The following ST8SIA4 variants were observed in gnomAD, a reference collection of about 807,000 sequenced individuals.
The protein encoded by ST8SIA4 is ST8 alpha-N-acetyl-neuraminide alpha-2,8-sialyltransferase 4.
In ST8SIA4, 15 loss-of-function variants were observed where a neutral mutation model predicts 33.9. The ratio of observed to expected loss-of-function variants is 0.44; its 90% CI spans 0.30 to 0.68. The LOEUF is 0.68. Among genes scored for constraint, ST8SIA4 ranks in the 30% least tolerant of loss-of-function variants. ST8SIA4 has a pLI of 0.10. For synonymous variants in ST8SIA4, 171 were observed against 151.2 expected, an observed-to-expected ratio of 1.13 and a Z score of -0.96; for missense variants, 321 against 428.0, an observed-to-expected ratio of 0.75 and a Z score of 2.21.
At chr5:100,871,040 GCTGT>G (rs1390128455) in intron 3 of ST8SIA4, among the ~76,000 whole-genome samples, 2 of 152,018 alleles carry the variant, frequency 1.3e-5, no homozygotes, top group African/African-American at 4.8e-5. Flanking sequence ...CCTAGACTTG[GCTGT>G]CTATCATGAA....
At chr5:100,886,921 A>G (rs1752550692) in intron 2 of ST8SIA4, among the ~76,000 whole-genome samples, 1 of 152,116 alleles carries the variant, frequency 6.6e-6, no homozygotes, top group Non-Finnish European at 1.5e-5. Context: ...TAAGTAAAAC[A>G]CAGTGGCCAT....
intron 4 of ST8SIA4, among the ~76,000 whole-genome samples, chr5:100,813,723 A>G (rs1750858694): frequency 6.6e-6 from 1 of 152,048 alleles, no homozygotes. Context: ...TTAACATGAA[A>G]TAATGATTAT....
intron 2 of ST8SIA4, chr5:100,890,564 A>T (rs558423858): frequency 1.3e-5 from 2 of 152,056 alleles, no homozygotes; most frequent in African/African-American, 4.8e-5. Context: ...CTTAATATGC[A>T]TGCTTTACCA....
At chr5:100,900,447 C>T (rs1055923882) in intron 1 of ST8SIA4, 18 of 455,208 alleles carry the variant, frequency 4.0e-5, no homozygotes, top group Non-Finnish European at 6.6e-5. Context: ...TATGAGTCAA[C>T]TCCTCCACCA....
intron 4 of ST8SIA4, among the ~76,000 whole-genome samples, chr5:100,842,423 C>A (rs930239616): frequency 1.1e-4 from 17 of 151,776 alleles, no homozygotes; most frequent in Non-Finnish European, 2.2e-4. Context: ...CACAAAGTAT[C>A]AAGTTCCTTT....
intron 2 of ST8SIA4, among the ~76,000 whole-genome samples, chr5:100,891,712 A>G (rs1221347063): frequency 6.6e-6 from 1 of 152,026 alleles, no homozygotes; most frequent in African/African-American, 2.4e-5. Flanking sequence ...CATTTATTCC[A>G]TAATGATAAA....
At chr5:100,849,126 A>G in intron 4 of ST8SIA4, 1 of 973,456 alleles carries the variant, frequency 1.0e-6, no homozygotes, top group Non-Finnish European at 1.2e-6. Flanking sequence ...AGGAAGTTAC[A>G]GAGAATACAT....
chr5:100,902,381 G>GT (rs1752939434), intron 1 of ST8SIA4, among the ~76,000 whole-genome samples: 1 of 147,524 alleles, frequency 6.8e-6, no homozygotes, highest in South Asian at 2.2e-4. Flanking sequence ...AAAAAAAAAA[G>GT]TAGAGAAACA....
intron 4 of ST8SIA4, among the ~76,000 whole-genome samples, chr5:100,826,219 C>G (rs533037243): frequency 1.3e-4 from 20 of 152,204 alleles, no homozygotes; most frequent in African/African-American, 4.6e-4. Flanking sequence ...TTTCTTGCCA[C>G]ACACCCTGGC....
chr5:100,890,166 G>A (rs781034918), intron 2 of ST8SIA4, among the ~76,000 whole-genome samples: 3 of 151,784 alleles, frequency 2.0e-5, no homozygotes, highest in Non-Finnish European at 4.4e-5. Context: ...TGACTTAAGT[G>A]CTTCATAATT....
intron 3 of ST8SIA4, among the ~76,000 whole-genome samples, chr5:100,882,864 C>T (rs1289841994): frequency 1.3e-5 from 2 of 152,224 alleles, no homozygotes; most frequent in South Asian, 2.1e-4. Flanking sequence ...GAACCTCTGC[C>T]TAGACTTCTG....
chr5:100,855,627 C>T (rs759639519), intron 4 of ST8SIA4, among the ~76,000 whole-genome samples: 4 of 152,168 alleles, frequency 2.6e-5, no homozygotes, highest in Non-Finnish European at 4.4e-5. Flanking sequence ...GCATCTGTGA[C>T]TTTGGGGGGA....
chr5:100,810,866 C>T lies in ST8SIA4; in HGVS notation c.*981G>A, dbSNP rs929889796. The T allele has an allele frequency of 3.3e-5, 5 of 152,334 alleles. No homozygotes were observed. The highest frequency in any genetic ancestry group is 7.4e-5 in the Non-Finnish European group (5 of 68,016). 9.4% of individuals were successfully genotyped at this position (152,334 alleles called of 1,614,324 possible). A position where few individuals can be genotyped will look rare whatever the true frequency, so the allele number is the denominator to read the frequency against. ...GGAAAATAACATGGAGGTTTAGAGC[C>T]GTGCAAAATAAAACTTTTTTAAAAA... On this transcript the variant is annotated 3_prime_UTR_variant, in exon 5 of 5. Coordinates refer to ENST00000231461, the MANE Select transcript of ST8SIA4 (RefSeq NM_005668.6).
At chr5:100,844,141 A>G (rs1403525275) in intron 4 of ST8SIA4, among the ~76,000 whole-genome samples, 1 of 151,922 alleles carries the variant, frequency 6.6e-6, no homozygotes, top group Non-Finnish European at 1.5e-5. Flanking sequence ...TTAAGAACTG[A>G]GCAAATACTT....
At chr5:100,857,393 A>T (rs181624566) in intron 3 of ST8SIA4, among the ~76,000 whole-genome samples, 1,656 of 150,720 alleles carry the variant, frequency 0.011, 16 homozygotes, top group African/African-American at 0.028. Context: ...TTTTTTTTTA[A>T]AAAAACTATT....
chr5:100,856,426 G>C (rs773873725), intron 3 of ST8SIA4, 30 bp from the exon 4 acceptor site: 6 of 1,525,768 alleles, frequency 3.9e-6, no homozygotes, highest in East Asian at 2.3e-5. Flanking sequence ...TGGGACAAAT[G>C]AAAAAAAAAG....
intron 4 of ST8SIA4, among the ~76,000 whole-genome samples, chr5:100,853,757 C>G (rs540881501): frequency 3.3e-5 from 5 of 152,250 alleles, no homozygotes; most frequent in African/African-American, 1.2e-4. Context: ...ATAACACTAT[C>G]TGGATTCTAA....
rs3776169 is a variant in ST8SIA4 at position 100,867,684 on chromosome 5, A to T, written c.504-11288T>A. Among the ~76,000 whole-genome samples, 82 of 152,126 alleles carry T rather than the reference A, an allele frequency of 5.4e-4. No individual in the cohort carries two copies. The East Asian group carries it at 0.013, about 24-fold the overall frequency. On this transcript the variant is annotated intron_variant, in intron 3 of 4. Transcript: ENST00000231461. ...CTTTCTTGCTTAAATAAACAAAAAA[A>T]CTTAATACCATATTCACTTGTCATT...
At position 100,886,335 on chromosome 5, in the gene ST8SIA4, A is replaced by C; in HGVS notation, c.503+8T>G. The C allele has an allele frequency of 1.2e-6, 2 of 1,610,660 alleles. No homozygotes were observed. The highest frequency in any genetic ancestry group is 1.7e-6 in the Non-Finnish European group (2 of 1,177,446). On this transcript the variant is annotated splice_region_variant and intron_variant, in intron 3 of 4. Coordinates refer to ENST00000231461, the MANE Select transcript of ST8SIA4 (RefSeq NM_005668.6). ...ACTTACAATCTCAAAAAGCAGAAGAAAGCTCACCTTATTACAAAATTGTGA... is the reference window on the plus strand; with the variant it reads ...ACTTACAATCTCAAAAAGCAGAAGACAGCTCACCTTATTACAAAATTGTGA...
Sources: allele counts gnomAD v4.1 joint callset (sites outside exome capture counted in the v4.1 genomes callset), GRCh38; gene constraint gnomAD v4.1.1; transcripts MANE v1.5; gene names NCBI Gene and HGNC (gene_info 2026-07-23, HGNC 2026-07-21).